Variants in RBFOX1 observed in about 807,000 individuals in gnomAD.
RBFOX1 encodes RNA binding fox-1 homolog 1, also known as RNA binding protein fox-1 homolog 1.
RBFOX1 carries 8 observed loss-of-function variants against 57.7 expected under a neutral mutation model. That is an observed-to-expected ratio of 0.14 (90% CI 0.08 to 0.25). RBFOX1 has a LOEUF of 0.25. Among genes scored for constraint, RBFOX1 ranks in the 10% least tolerant of loss-of-function variants. The pLI is 1.00. For synonymous variants in RBFOX1, 326 were observed against 222.4 expected, an observed-to-expected ratio of 1.47 and a Z score of -4.15; for missense variants, 611 against 548.5, an observed-to-expected ratio of 1.11 and a Z score of -1.14.
At chr16:6,751,328 C>G (rs980341493) in intron 3 of RBFOX1, among the ~76,000 whole-genome samples, 4 of 151,998 alleles carry the variant, frequency 2.6e-5, no homozygotes, top group South Asian at 2.1e-4. Flanking sequence ...ACAGTGCCCT[C>G]TACCAGAAAA....
At chr16:6,164,946 T>C (rs913688021) in intron 1 of RBFOX1, among the ~76,000 whole-genome samples, 1 of 152,154 alleles carries the variant, frequency 6.6e-6, no homozygotes, top group Non-Finnish European at 1.5e-5. Context: ...GGGGGGAAAG[T>C]GTGCAGTTCA....
At chr16:5,668,659 T>G (rs1481595106) in intron 3 of RBFOX1, among the ~76,000 whole-genome samples, 1 of 152,188 alleles carries the variant, frequency 6.6e-6, no homozygotes, top group Non-Finnish European at 1.5e-5. Context: ...AACCAGCAGT[T>G]TCTTCCTCTC....
At chr16:6,250,619 G>A (rs1478686010) in intron 1 of RBFOX1, among the ~76,000 whole-genome samples, 1 of 152,120 alleles carries the variant, frequency 6.6e-6, no homozygotes, top group Non-Finnish European at 1.5e-5. Context: ...TATGCTCTGG[G>A]AAGATTTGAG....
chr16:7,626,362 C>T (rs371500227), intron 10 of RBFOX1, among the ~76,000 whole-genome samples: 18 of 152,360 alleles, frequency 1.2e-4, no homozygotes, highest in African/African-American at 3.6e-4. Context: ...GATGCCCCAT[C>T]TGAGACCTTG....
intron 3 of RBFOX1, among the ~76,000 whole-genome samples, chr16:6,868,505 T>C (rs893530275): frequency 6.6e-6 from 1 of 152,092 alleles, no homozygotes; most frequent in African/African-American, 2.4e-5. Flanking sequence ...ACAGTCTCAC[T>C]CTGTCACCCA....
chr16:6,103,463 G>T (rs1479617089), intron 1 of RBFOX1, among the ~76,000 whole-genome samples: 1 of 152,002 alleles, frequency 6.6e-6, no homozygotes, highest in Non-Finnish European at 1.5e-5. Flanking sequence ...TGTCAGTCAG[G>T]CTAGGTTGAT....
In RBFOX1 at chr16:7,560,238, AC is replaced by A. The variant is rs775852345; in HGVS notation, c.271-19534del. 5.3e-5 allele frequency among the ~76,000 whole-genome samples: 8 copies of A among 152,164 alleles called. No homozygotes were observed. The Middle Eastern group carries it at 0.01, about 194-fold the overall frequency. ...TGCACCTTGCTAAAGGCTGTCAAGA[AC>A]CCCCTATGGGGGGTGGACTTCTTGG... is the stretch of plus-strand genomic sequence containing the variant. On this transcript the variant is annotated intron_variant, in intron 5 of 15. Coordinates refer to ENST00000550418, the MANE Select transcript of RBFOX1 (RefSeq NM_018723.4).
At chr16:6,203,512 A>T (rs531398138) in intron 1 of RBFOX1, among the ~76,000 whole-genome samples, 1 of 152,130 alleles carries the variant, frequency 6.6e-6, no homozygotes, top group African/African-American at 2.4e-5. Context: ...TTGTTTCCAT[A>T]TATTGGCTAT....
At chr16:6,052,389 A>G (rs756834739) in intron 1 of RBFOX1, among the ~76,000 whole-genome samples, 9 of 152,320 alleles carry the variant, frequency 5.9e-5, no homozygotes, top group Middle Eastern at 3.4e-3. Flanking sequence ...GACCTTGGCC[A>G]GAACTGCTTA....
intron 3 of RBFOX1, among the ~76,000 whole-genome samples, chr16:5,833,439 G>C (rs1416122347): frequency 2.0e-5 from 3 of 147,890 alleles, no homozygotes; most frequent in Non-Finnish European, 4.4e-5. Flanking sequence ...AGCTTGCCGT[G>C]AGCCAAGACC....
At chr16:6,506,422 A>G (rs2096091547) in intron 2 of RBFOX1, among the ~76,000 whole-genome samples, 1 of 151,998 alleles carries the variant, frequency 6.6e-6, no homozygotes, top group African/African-American at 2.4e-5. Context: ...TAGTTGGAGA[A>G]ACAAAAGGAG....
chr16:6,093,769 A>T (rs908821920), intron 1 of RBFOX1, among the ~76,000 whole-genome samples: 5 of 151,324 alleles, frequency 3.3e-5, no homozygotes, highest in Non-Finnish European at 5.9e-5. Context: ...CCACAGGTGC[A>T]TTCCAGCATG....
chr16:6,418,529 T>TA (rs1567229628), intron 2 of RBFOX1, among the ~76,000 whole-genome samples: 1 of 145,180 alleles, frequency 6.9e-6, no homozygotes, highest in African/African-American at 2.6e-5. Flanking sequence ...ATTTTTTTTT[T>TA]TTTTTTTTTT....
intron 4 of RBFOX1, among the ~76,000 whole-genome samples, chr16:7,292,419 A>G (rs910008788): frequency 9.8e-5 from 14 of 142,272 alleles, no homozygotes; most frequent in Admixed American, 9.5e-4. Flanking sequence ...TATATTATAT[A>G]TATAAGGTAT....
At chr16:6,183,383 G>A (rs1445527140) in intron 1 of RBFOX1, among the ~76,000 whole-genome samples, 1 of 151,972 alleles carries the variant, frequency 6.6e-6, no homozygotes, top group South Asian at 2.1e-4. Flanking sequence ...TGGAGGCTGA[G>A]GCAGGATAAT....
At chr16:6,515,125 T>G (rs1043436769) in intron 2 of RBFOX1, among the ~76,000 whole-genome samples, 2 of 152,218 alleles carry the variant, frequency 1.3e-5, no homozygotes, top group Non-Finnish European at 2.9e-5. Context: ...ATTACAGGTT[T>G]ACTTATGTGC....
intron 4 of RBFOX1, among the ~76,000 whole-genome samples, chr16:5,975,120 C>T (rs2060035901): frequency 6.6e-6 from 1 of 152,218 alleles, no homozygotes; most frequent in African/African-American, 2.4e-5. Context: ...GCCTTTGATG[C>T]CTATGTTGTT....
chr16:7,581,238 G>C (rs1367029963), intron 6 of RBFOX1, among the ~76,000 whole-genome samples: 3 of 152,182 alleles, frequency 2.0e-5, no homozygotes, highest in African/African-American at 7.2e-5. Context: ...ATAACCTTGA[G>C]TTGAGCCTTC....
intron 3 of RBFOX1, among the ~76,000 whole-genome samples, chr16:5,817,922 C>A: frequency 6.6e-6 from 1 of 151,932 alleles, no homozygotes; most frequent in Non-Finnish European, 1.5e-5. Context: ...GATCTCCTGA[C>A]CTCATGTTCT....
Sources: allele counts gnomAD v4.1 joint callset (sites outside exome capture counted in the v4.1 genomes callset), GRCh38; gene constraint gnomAD v4.1.1; transcripts MANE v1.5; gene names NCBI Gene and HGNC (gene_info 2026-07-23, HGNC 2026-07-21).